The following IL15 variants were observed in gnomAD, a reference collection of about 807,000 sequenced individuals.
IL15 encodes the protein interleukin-15.
Under a neutral mutation model 19.6 loss-of-function variants are expected in IL15, and 11 were observed. The observed-to-expected ratio is 0.56, with a 90% CI of 0.35 to 0.93. The LOEUF is 0.93. Ranked by LOEUF, IL15 falls within the 40% of genes least tolerant of loss-of-function variation. The probability of loss-of-function intolerance (pLI) is 0.01; values close to 1 mark genes in which losing one functional copy is unlikely to be tolerated. For missense variants in IL15, 197 were observed against 186.5 expected (o/e 1.06, Z -0.33); for synonymous variants, 58 against 59.6 (o/e 0.97, Z 0.12).
chr4:141,638,800 A>G (rs1050210706), intron 1 of IL15, among the ~76,000 whole-genome samples: 8 of 152,186 alleles, frequency 5.3e-5, no homozygotes, highest in Admixed American at 1.3e-4. Flanking sequence ...TGCTGGGTAC[A>G]TGTGGATTTT....
At chr4:141,686,136 A>G (rs1210544698) in intron 2 of IL15, among the ~76,000 whole-genome samples, 1 of 152,036 alleles carries the variant, frequency 6.6e-6, no homozygotes, top group Non-Finnish European at 1.5e-5. Context: ...CTCTGCTAAA[A>G]ATAAAAAAAT....
intron 7 of IL15, among the ~76,000 whole-genome samples, chr4:141,732,294 T>C (rs931760400): frequency 6.6e-6 from 1 of 152,122 alleles, no homozygotes; most frequent in African/African-American, 2.4e-5. Context: ...CAGAGAGGCA[T>C]CTAATAGTAT....
intron 7 of IL15, among the ~76,000 whole-genome samples, chr4:141,731,050 G>T (rs1236804002): frequency 6.6e-6 from 1 of 152,150 alleles, no homozygotes; most frequent in African/African-American, 2.4e-5. Context: ...AGATGTGAGA[G>T]AATGAGCCTT....
At chr4:141,710,078 A>G (rs922358624) in intron 2 of IL15, among the ~76,000 whole-genome samples, 3 of 152,206 alleles carry the variant, frequency 2.0e-5, no homozygotes, top group Non-Finnish European at 4.4e-5. Context: ...TGCAAAGGAT[A>G]TGATTTCCTT....
chr4:141,640,502 C>T (rs1483146456), intron 1 of IL15, among the ~76,000 whole-genome samples: 2 of 152,074 alleles, frequency 1.3e-5, no homozygotes, highest in Non-Finnish European at 2.9e-5. Flanking sequence ...TTGAAATAGA[C>T]CCTGGTCACC....
chr4:141,664,953 G>A (rs1255017881), intron 2 of IL15, among the ~76,000 whole-genome samples: 2 of 150,830 alleles, frequency 1.3e-5, no homozygotes, highest in Non-Finnish European at 2.9e-5. Flanking sequence ...TACTGTGTAA[G>A]TTGAGTTCTT....
chr4:141,723,853 A>G (rs1292101323), intron 5 of IL15, among the ~76,000 whole-genome samples: 1 of 152,198 alleles, frequency 6.6e-6, no homozygotes, highest in Non-Finnish European at 1.5e-5. Flanking sequence ...GAAACAAAAA[A>G]TAATAGGGAT....
intron 2 of IL15, among the ~76,000 whole-genome samples, chr4:141,686,015 G>T (rs1164556759): frequency 6.6e-6 from 1 of 152,084 alleles, no homozygotes; most frequent in Non-Finnish European, 1.5e-5. Context: ...GGGCACAGTA[G>T]GCTGGGCGCA....
chr4:141,695,272 CTTTTTTTTTTTTTT>C (rs34115620), intron 2 of IL15, among the ~76,000 whole-genome samples: 3 of 62,564 alleles, frequency 4.8e-5, no homozygotes, highest in African/African-American at 2.4e-4. Flanking sequence ...TCTATGATAC[CTTTTTTTTTTTTTT>C]TTTTTTTTTT....
chr4:141,661,816 A>G (rs1431514731), intron 2 of IL15, among the ~76,000 whole-genome samples: 2 of 151,888 alleles, frequency 1.3e-5, no homozygotes, highest in Non-Finnish European at 1.5e-5. Context: ...TGTTGTTGCT[A>G]TTATTTCTTC....
chr4:141,637,989 G>C (rs1430685900), intron 1 of IL15, among the ~76,000 whole-genome samples: 2 of 152,144 alleles, frequency 1.3e-5, no homozygotes, highest in East Asian at 3.9e-4. Flanking sequence ...CTTTTGGAAG[G>C]CCGAGGCGAG....
chr4:141,637,716 G>A (rs1178910634), intron 1 of IL15, among the ~76,000 whole-genome samples: 3 of 152,156 alleles, frequency 2.0e-5, no homozygotes, highest in Admixed American at 6.5e-5. Context: ...AATAGGATGA[G>A]TCAGCAATTT....
intron 1 of IL15, among the ~76,000 whole-genome samples, chr4:141,641,841 T>G (rs1727055347): frequency 6.6e-6 from 1 of 150,948 alleles, no homozygotes; most frequent in Non-Finnish European, 1.5e-5. Context: ...AAAGTATAAT[T>G]TAAAAAAAAA....
Position 141,721,748 on chromosome 4 carries a change from G to A in IL15, c.111-176G>A, listed in dbSNP as rs1031959282. On this transcript the variant is annotated intron_variant, in intron 4 of 7. Coordinates refer to ENST00000320650, the MANE Select transcript of IL15 (RefSeq NM_000585.5). Reference sequence around the variant, plus strand: ...CAAGTTATCATAAAATGCCAAAATTGTACTATATGCTCAATGTTTATGTTC... The same window carrying A: ...CAAGTTATCATAAAATGCCAAAATTATACTATATGCTCAATGTTTATGTTC... 9 of 631,628 alleles carry A rather than the reference G, an allele frequency of 1.4e-5. No individual in the cohort carries two copies. The African/African-American group carries it at 1.5e-4, about 10-fold the overall frequency. The allele number at this position is 631,628 out of a possible 1,614,324, so 39.1% of individuals were successfully genotyped here. A position where few individuals can be genotyped will look rare whatever the true frequency, so the allele number is the denominator to read the frequency against.
intron 5 of IL15, among the ~76,000 whole-genome samples, chr4:141,727,396 A>G (rs1461054636): frequency 6.6e-6 from 1 of 151,560 alleles, no homozygotes; most frequent in Non-Finnish European, 1.5e-5. Flanking sequence ...TACATATGAT[A>G]TGAGTCCGTT....
intron 1 of IL15, among the ~76,000 whole-genome samples, chr4:141,639,519 T>C (rs1726973484): frequency 6.6e-6 from 1 of 152,210 alleles, no homozygotes; most frequent in Non-Finnish European, 1.5e-5. Flanking sequence ...TGACAAATAG[T>C]AGGCAAATGT....
intron 2 of IL15, among the ~76,000 whole-genome samples, chr4:141,702,467 G>T (rs1322092565): frequency 6.6e-6 from 1 of 152,202 alleles, no homozygotes; most frequent in Non-Finnish European, 1.5e-5. Flanking sequence ...GCAGGGGAGT[G>T]ACGTAGACTG....
chr4:141,655,577 A>G (rs1727562157), intron 1 of IL15, among the ~76,000 whole-genome samples: 1 of 152,166 alleles, frequency 6.6e-6, no homozygotes, highest in South Asian at 2.1e-4. Flanking sequence ...ACTTTTTTAA[A>G]TGGCATAATA....
chr4:141,647,642 C>T (rs1290281095), intron 1 of IL15, among the ~76,000 whole-genome samples: 1 of 151,968 alleles, frequency 6.6e-6, no homozygotes, highest in African/African-American at 2.4e-5. Flanking sequence ...GAAGGCTAGG[C>T]TTTTTACACC....
Sources: allele counts gnomAD v4.1 joint callset (sites outside exome capture counted in the v4.1 genomes callset), GRCh38; gene constraint gnomAD v4.1.1; transcripts MANE v1.5; gene names NCBI Gene and HGNC (gene_info 2026-07-23, HGNC 2026-07-21).